OR6N1: variants seen among roughly 807,000 people sequenced by gnomAD.
The protein encoded by OR6N1 is olfactory receptor 6N1.
For synonymous variants in OR6N1, 170 were observed against 150.7 expected (o/e 1.13, Z -0.94); for missense variants, 394 against 371.7 (o/e 1.06, Z -0.49).
the OR6N1 span, among the ~76,000 whole-genome samples, chr1:158,806,303 C>G: frequency 1.3e-5 from 2 of 152,042 alleles, no homozygotes; most frequent in African/African-American, 4.8e-5. Flanking sequence ...ACCCTTAGGT[C>G]AAAAGAAGAT....
chr1:158,782,510 C>T, the OR6N1 span, among the ~76,000 whole-genome samples: 1 of 152,198 alleles, frequency 6.6e-6, no homozygotes, highest in African/African-American at 2.4e-5. Context: ...TGATCACACA[C>T]CACTGGAGTT....
chr1:158,777,349 C>A, the OR6N1 span: 1 of 1,614,094 alleles, frequency 6.2e-7, no homozygotes, highest in Non-Finnish European at 8.5e-7. Flanking sequence ...AAGGAGGCAT[C>A]CTGCAAAAGA....
chr1:158,768,171 A>G (rs1455777058), intron 1 of OR6N1, among the ~76,000 whole-genome samples: 1 of 151,432 alleles, frequency 6.6e-6, no homozygotes, highest in African/African-American at 2.4e-5. Flanking sequence ...TCTCTTCTAT[A>G]TAAACTCAAC....
At chr1:158,784,570 C>T in the OR6N1 span, among the ~76,000 whole-genome samples, 1 of 152,204 alleles carries the variant, frequency 6.6e-6, no homozygotes, top group African/African-American at 2.4e-5. Context: ...TCCCATCTTT[C>T]ACCCTCCCCT....
the OR6N1 span, chr1:158,777,616 G>C: frequency 4.3e-6 from 7 of 1,613,090 alleles, no homozygotes; most frequent in East Asian, 2.2e-5. Context: ...AGCCAGGCTT[G>C]AATGGTTGTA....
At chr1:158,770,430 C>T (rs1414164511) in intron 1 of OR6N1, among the ~76,000 whole-genome samples, 2 of 152,070 alleles carry the variant, frequency 1.3e-5, no homozygotes, top group Admixed American at 6.5e-5. Flanking sequence ...CTTTTTCACA[C>T]CCCCTTTAAG....
chr1:158,805,963 G>T, the OR6N1 span, among the ~76,000 whole-genome samples: 1 of 152,236 alleles, frequency 6.6e-6, no homozygotes, highest in Non-Finnish European at 1.5e-5. Context: ...GCACCCCACA[G>T]ATATTAGTAA....
chr1:158,784,088 G>A, the OR6N1 span, among the ~76,000 whole-genome samples: 1 of 151,924 alleles, frequency 6.6e-6, no homozygotes, highest in African/African-American at 2.4e-5. Flanking sequence ...CCTGGGCGAC[G>A]GAGCGAGACT....
chr1:158,833,294 C>T, the OR6N1 span, among the ~76,000 whole-genome samples: 1 of 152,152 alleles, frequency 6.6e-6, no homozygotes, highest in African/African-American at 2.4e-5. Flanking sequence ...CTTCTGAAAG[C>T]TTTGAATATA....
intron 1 of OR6N1, among the ~76,000 whole-genome samples, chr1:158,769,758 G>A (rs902852349): frequency 6.6e-6 from 1 of 152,120 alleles, no homozygotes; most frequent in Non-Finnish European, 1.5e-5. Context: ...ACTTAATATA[G>A]GATGTTTCTC....
intron 1 of OR6N1, among the ~76,000 whole-genome samples, chr1:158,768,985 C>T (rs538811336): frequency 1.3e-5 from 2 of 151,998 alleles, no homozygotes; most frequent in East Asian, 3.9e-4. Flanking sequence ...ATTTTGTTTA[C>T]TGGTGTATGT....
the OR6N1 span, among the ~76,000 whole-genome samples, chr1:158,804,485 A>G: frequency 6.6e-6 from 1 of 152,178 alleles, no homozygotes; most frequent in African/African-American, 2.4e-5. Context: ...ATTTGAGGAG[A>G]AAGGTGAGAT....
the OR6N1 span, among the ~76,000 whole-genome samples, chr1:158,791,640 T>G: frequency 3.3e-5 from 5 of 152,070 alleles, no homozygotes; most frequent in East Asian, 9.6e-4. Flanking sequence ...CAGCTAATTT[T>G]CATATTTTTA....
At chr1:158,779,646 C>A in the OR6N1 span, among the ~76,000 whole-genome samples, 1 of 152,298 alleles carries the variant, frequency 6.6e-6, no homozygotes, top group East Asian at 1.9e-4. Flanking sequence ...ACTGTACATT[C>A]ACCTCTCCAA....
chr1:158,832,394 T>C, the OR6N1 span, among the ~76,000 whole-genome samples: 44 of 151,968 alleles, frequency 2.9e-4, no homozygotes, highest in Non-Finnish European at 4.7e-4. Flanking sequence ...CTAAGCTATT[T>C]TTTACCTTGT....
the OR6N1 span, among the ~76,000 whole-genome samples, chr1:158,828,855 T>C: frequency 6.6e-6 from 1 of 152,238 alleles, no homozygotes; most frequent in East Asian, 1.9e-4. Context: ...ATACATCTTC[T>C]GAAATCTAGG....
chr1:158,819,297 T>G, the OR6N1 span, among the ~76,000 whole-genome samples: 1 of 152,080 alleles, frequency 6.6e-6, no homozygotes, highest in Admixed American at 6.6e-5. Flanking sequence ...CAGGCCTGAT[T>G]AGGAGGCTTT....
At chr1:158,827,168 A>T in the OR6N1 span, among the ~76,000 whole-genome samples, 1 of 152,224 alleles carries the variant, frequency 6.6e-6, no homozygotes, top group African/African-American at 2.4e-5. Flanking sequence ...ATTCAATAAT[A>T]TCTTCCATGA....
the OR6N1 span, chr1:158,777,350 C>T: frequency 1.2e-6 from 2 of 1,614,180 alleles, no homozygotes; most frequent in Non-Finnish European, 8.5e-7. Flanking sequence ...AGGAGGCATC[C>T]TGCAAAAGAA....
Sources: allele counts gnomAD v4.1 joint callset (sites outside exome capture counted in the v4.1 genomes callset), GRCh38; gene constraint gnomAD v4.1.1; transcripts MANE v1.5; gene names NCBI Gene and HGNC (gene_info 2026-07-23, HGNC 2026-07-21).